The following CLIP4 variants were observed in gnomAD, a reference collection of about 807,000 sequenced individuals.
CLIP4 encodes the protein CAP-Gly domain-containing linker protein 4.
CLIP4 carries 47 observed loss-of-function variants against 73.1 expected under a neutral mutation model. The observed-to-expected ratio is 0.64, with a 90% CI of 0.51 to 0.82. The LOEUF (loss-of-function observed/expected upper bound fraction) is 0.82. Ranked by LOEUF, CLIP4 falls within the 40% of genes least tolerant of loss-of-function variation. The pLI is 0.00. For synonymous variants in CLIP4, 306 were observed against 295.4 expected (o/e 1.04, Z -0.37); for missense variants, 874 against 852.9 (o/e 1.02, Z -0.31).
chr2:29,130,623 A>G (rs1332021958), intron 2 of CLIP4: 1 of 1,099,632 alleles, frequency 9.1e-7, no homozygotes, highest in Non-Finnish European at 1.1e-6. Flanking sequence ...TTTGCCTAAC[A>G]GGACCATTTT....
chr2:29,134,400 A>G (rs952764886), intron 5 of CLIP4, among the ~76,000 whole-genome samples: 2 of 152,188 alleles, frequency 1.3e-5, no homozygotes, highest in Non-Finnish European at 2.9e-5. Context: ...AGCAAATAGT[A>G]TTAACGTTAA....
At chr2:29,112,234 A>C (rs1264965464), upstream of CLIP4, among the ~76,000 whole-genome samples, 1 of 152,164 alleles carries the variant, frequency 6.6e-6, no homozygotes, top group East Asian at 1.9e-4. Context: ...TAACTGTTTA[A>C]AATTTATTTC....
intron 8 of CLIP4, 47 bp downstream of exon 8, chr2:29,145,414 C>G: frequency 6.8e-7 from 1 of 1,469,988 alleles, no homozygotes; most frequent in Middle Eastern, 1.8e-4. Context: ...TAAAAATAAT[C>G]AAGTTTTACT....
At chr2:29,130,922 A>G (rs1254465457) in intron 2 of CLIP4, 1 of 1,290,014 alleles carries the variant, frequency 7.8e-7, no homozygotes, top group Non-Finnish European at 1.0e-6. Context: ...AATAGAGGAA[A>G]GAAGATAGAC....
chr2:29,180,613 A>G (rs1008714217), intron 15 of CLIP4, among the ~76,000 whole-genome samples: 1 of 152,184 alleles, frequency 6.6e-6, no homozygotes, highest in Admixed American at 6.5e-5. Context: ...CAGTTTTTAA[A>G]ATTTGTTTGC....
chr2:29,158,736 A>G (rs528132151), intron 11 of CLIP4, among the ~76,000 whole-genome samples: 1 of 152,374 alleles, frequency 6.6e-6, no homozygotes, highest in Non-Finnish European at 1.5e-5. Context: ...TGGGAAAGGT[A>G]GGGACCTCGG....
At chr2:29,142,293 C>A (rs1301251897) in intron 6 of CLIP4, among the ~76,000 whole-genome samples, 1 of 150,916 alleles carries the variant, frequency 6.6e-6, no homozygotes, top group South Asian at 2.1e-4. Flanking sequence ...TTTTATTATT[C>A]TTACTATTAT....
intron 8 of CLIP4, among the ~76,000 whole-genome samples, chr2:29,149,589 A>G (rs555362106): frequency 6.6e-6 from 1 of 152,072 alleles, no homozygotes; most frequent in East Asian, 1.9e-4. Flanking sequence ...TAAGCCTTAC[A>G]GTTACATGTC....
At chr2:29,141,277 A>T (rs1665748028) in intron 6 of CLIP4, among the ~76,000 whole-genome samples, 1 of 152,162 alleles carries the variant, frequency 6.6e-6, no homozygotes, top group African/African-American at 2.4e-5. Context: ...CCATGTGCAA[A>T]TGAGAATAGC....
At chr2:29,117,362 G>A (rs1409900754) in intron 1 of CLIP4, among the ~76,000 whole-genome samples, 5 of 146,510 alleles carry the variant, frequency 3.4e-5, no homozygotes, top group South Asian at 2.2e-4. Flanking sequence ...TTTTTGAGAC[G>A]GAGTCTCGCT....
At position 29,133,805 on chromosome 2, in the gene CLIP4, C is replaced by T. The variant is rs764347800; in HGVS notation, c.518C>T (p.Ser173Leu). Residue 173 changes from serine (S) to leucine (L), a missense_variant, in exon 5 of 16, where the codon TCG becomes TTG. Transcript: ENST00000320081. Reference sequence around the variant, plus strand: ...CTTATAAGAGTGATTTTGAAAACATCGAAACCAAAAGGCAAGTATTATAAG... The same window carrying T: ...CTTATAAGAGTGATTTTGAAAACATTGAAACCAAAAGGCAAGTATTATAAG... Reference protein sequence around the residue: ...PELIRVILKTSKPKDVDATCS... With the variant: ...PELIRVILKTLKPKDVDATCS... The T allele has an allele frequency of 1.6e-5, 26 of 1,602,754 alleles. No individual in the cohort carries two copies. The highest frequency in any genetic ancestry group is 6.7e-5 in the East Asian group (3 of 44,730).
chr2:29,178,694 G>A (rs1207062678), intron 15 of CLIP4, among the ~76,000 whole-genome samples: 1 of 152,156 alleles, frequency 6.6e-6, no homozygotes. Context: ...AGTAATAGAT[G>A]CCAGACTTCT....
chr2:29,111,074 C>G (rs1273676362), upstream of CLIP4, among the ~76,000 whole-genome samples: 1 of 152,102 alleles, frequency 6.6e-6, no homozygotes, highest in Admixed American at 6.5e-5. Context: ...CTTATAGAAC[C>G]ACTGTAAGGG....
At chr2:29,107,614 T>TCCA (rs955684625) in intron 1 of CLIP4, among the ~76,000 whole-genome samples, 5 of 152,082 alleles carry the variant, frequency 3.3e-5, no homozygotes, top group African/African-American at 1.2e-4. Flanking sequence ...GACGTTGTGA[T>TCCA]CCACCTGCCT....
chr2:29,141,166 A>G (rs1051320559), intron 6 of CLIP4, among the ~76,000 whole-genome samples: 7 of 151,614 alleles, frequency 4.6e-5, no homozygotes, highest in Admixed American at 6.6e-5. Flanking sequence ...ATTGATTTCT[A>G]TTTTTACTCC....
At chr2:29,102,187 C>T (rs1444003299) in intron 1 of CLIP4, among the ~76,000 whole-genome samples, 1 of 152,118 alleles carries the variant, frequency 6.6e-6, no homozygotes, top group Admixed American at 6.5e-5. Context: ...CTTCTCACTA[C>T]TAGGGGAAGA....
At chr2:29,168,404 G>T (rs1349548646) in intron 14 of CLIP4, among the ~76,000 whole-genome samples, 1 of 151,510 alleles carries the variant, frequency 6.6e-6, no homozygotes, top group Non-Finnish European at 1.5e-5. Flanking sequence ...TCTTGCCGAG[G>T]TCATTACTTG....
chr2:29,135,456 A>AT, intron 5 of CLIP4, 92 bp from the exon 6 acceptor site: 1 of 817,278 alleles, frequency 1.2e-6, no homozygotes, highest in Non-Finnish European at 1.9e-6. Flanking sequence ...TACAAATGCT[A>AT]TAAGTCCCTC....
intron 9 of CLIP4, among the ~76,000 whole-genome samples, chr2:29,154,953 C>G (rs1666820463): frequency 6.6e-6 from 1 of 152,186 alleles, no homozygotes; most frequent in Non-Finnish European, 1.5e-5. Flanking sequence ...AGGATTTAAA[C>G]AAGACCTATT....
Sources: allele counts gnomAD v4.1 joint callset (sites outside exome capture counted in the v4.1 genomes callset), GRCh38; gene constraint gnomAD v4.1.1; transcripts MANE v1.5; gene names NCBI Gene and HGNC (gene_info 2026-07-23, HGNC 2026-07-21).